Variants in PLCE1 observed in about 807,000 individuals in gnomAD.
PLCE1 encodes the protein phospholipase C epsilon 1, also known as 1-phosphatidylinositol 4,5-bisphosphate phosphodiesterase epsilon-1.
Under a neutral mutation model 242.8 loss-of-function variants are expected in PLCE1, and 119 were observed. That is an observed-to-expected ratio of 0.49 (90% CI 0.42 to 0.57). The LOEUF (loss-of-function observed/expected upper bound fraction) is 0.57, where lower values mean the gene tolerates loss of function less well. Ranked by LOEUF, PLCE1 falls within the 20% of genes least tolerant of loss-of-function variation. The pLI is 0.00. For synonymous variants in PLCE1, 945 were observed against 1,017.4 expected (o/e 0.93, Z 1.35); for missense variants, 2,441 against 2,788.8 (o/e 0.88, Z 2.81).
intron 3 of PLCE1, among the ~76,000 whole-genome samples, chr10:94,162,241 C>T (rs1295677828): frequency 6.6e-6 from 1 of 152,182 alleles, no homozygotes; most frequent in Non-Finnish European, 1.5e-5. Flanking sequence ...GTACCAGCTC[C>T]TCCTTGTACC....
At chr10:94,266,764 G>T (rs575102603) in intron 16 of PLCE1, among the ~76,000 whole-genome samples, 3 of 152,314 alleles carry the variant, frequency 2.0e-5, no homozygotes, top group South Asian at 2.1e-4. Context: ...CACCAGTGAG[G>T]TTTCTTTGTT....
intron 3 of PLCE1, among the ~76,000 whole-genome samples, chr10:94,135,034 C>T (rs1403845828): frequency 6.6e-6 from 1 of 152,148 alleles, no homozygotes; most frequent in East Asian, 1.9e-4. Flanking sequence ...TCAGCATCCT[C>T]TCCCATTTGG....
chr10:94,284,809 T>C lies in PLCE1; in HGVS notation c.4918-39T>C, dbSNP rs1388617261. The C allele has an allele frequency of 4.6e-6, 5 of 1,082,974 alleles. No homozygotes were observed. The East Asian group carries it at 1.2e-4, about 26-fold the overall frequency. 67.1% of individuals were successfully genotyped at this position (1,082,974 alleles called of 1,614,324 possible). On this transcript the variant is annotated intron_variant, in intron 21 of 32. Transcript: ENST00000371380. Reference sequence around the variant, plus strand: ...TGGGAATCCAGAGGTGAGTAGCATATACCTTCCATGTAAAATGGTATCATT... The same window carrying C: ...TGGGAATCCAGAGGTGAGTAGCATACACCTTCCATGTAAAATGGTATCATT...
At chr10:94,300,177 G>A (rs546834208) in intron 24 of PLCE1, among the ~76,000 whole-genome samples, 77 of 152,290 alleles carry the variant, frequency 5.1e-4, no homozygotes, top group Non-Finnish European at 8.7e-4. Flanking sequence ...GGTTTTGGAT[G>A]TGCCCTTTCT....
intron 2 of PLCE1, chr10:94,088,964 C>T (rs954498229): frequency 2.2e-5 from 21 of 935,332 alleles, no homozygotes; most frequent in South Asian, 9.0e-5. Flanking sequence ...GACTCTGGAT[C>T]GCAGCCCTCC....
At chr10:94,223,151 G>A (rs113621977) in intron 4 of PLCE1, among the ~76,000 whole-genome samples, 164 of 146,054 alleles carry the variant, frequency 1.1e-3, no homozygotes, top group South Asian at 2.6e-3. Flanking sequence ...TAATGCCAAT[G>A]CTATGGAAGC....
At chr10:94,100,028 T>G (rs1564687444) in intron 2 of PLCE1, 1 of 152,210 alleles carries the variant, frequency 6.6e-6, no homozygotes, top group Non-Finnish European at 1.5e-5. Context: ...ATGAAGAGCC[T>G]GGTGCTCTGG....
chr10:94,041,625 C>T lies in PLCE1; in HGVS notation c.1206+9373C>T, dbSNP rs186488447. 2.0e-5 allele frequency among the ~76,000 whole-genome samples: 3 copies of T among 152,284 alleles called. No homozygotes were observed. The East Asian group carries it at 5.8e-4, about 29-fold the overall frequency. On this transcript the variant is annotated intron_variant, in intron 2 of 32. Coordinates refer to ENST00000371380, the MANE Select transcript of PLCE1 (RefSeq NM_016341.4). The stretch of plus-strand genomic sequence containing the variant: ...AAACACGCCTCCCGATCTCAAGACC[C>T]CAGAGCTCTGTCTCTGCTCTTCAGA...
chr10:94,055,006 C>A (rs1589928088), intron 2 of PLCE1, among the ~76,000 whole-genome samples: 2 of 110,794 alleles, frequency 1.8e-5, no homozygotes, highest in Non-Finnish European at 1.7e-5. Flanking sequence ...AGCGAGACTC[C>A]ATCTCAAAAA....
At chr10:94,275,992 C>G (rs1385776668) in intron 19 of PLCE1, among the ~76,000 whole-genome samples, 1 of 152,156 alleles carries the variant, frequency 6.6e-6, no homozygotes, top group Non-Finnish European at 1.5e-5. Context: ...GGGAGCCTCA[C>G]ATTTATCTCT....
At chr10:94,134,941 G>A (rs1216352386) in intron 3 of PLCE1, among the ~76,000 whole-genome samples, 2 of 152,198 alleles carry the variant, frequency 1.3e-5, no homozygotes, top group Non-Finnish European at 2.9e-5. Flanking sequence ...AACTCCTGCT[G>A]AATAATACAA....
intron 3 of PLCE1, among the ~76,000 whole-genome samples, chr10:94,133,114 T>C (rs1357810508): frequency 3.3e-5 from 5 of 152,050 alleles, no homozygotes; most frequent in Admixed American, 6.6e-5. Flanking sequence ...GAAACAAATA[T>C]AGTCAAGCAG....
intron 4 of PLCE1, among the ~76,000 whole-genome samples, chr10:94,193,593 A>C (rs1476439695): frequency 6.6e-6 from 1 of 152,194 alleles, no homozygotes; most frequent in East Asian, 1.9e-4. Flanking sequence ...ATGTGCAGAA[A>C]ATTTTTGCAC....
chr10:94,040,923 C>T (rs2061753449), intron 2 of PLCE1, among the ~76,000 whole-genome samples: 1 of 152,192 alleles, frequency 6.6e-6, no homozygotes, highest in Non-Finnish European at 1.5e-5. Context: ...CAGCCATACT[C>T]ATTCTTTTAT....
In PLCE1 at chr10:94,329,255, T is replaced by C. The variant is rs373089959; in HGVS notation, c.*1312T>C. On this transcript the variant is annotated 3_prime_UTR_variant, in exon 33 of 33. Transcript: ENST00000371380. ...CAAAACCATTAAGTGTAAAGGATTC[T>C]TCATATTCTTAGTATGAAGCAAATT... The C allele has an allele frequency of 7.9e-5, 12 of 152,372 alleles. 1 individual carries two copies. In the South Asian group the frequency reaches 2.5e-3, roughly 32 times the overall value. The allele number at this position is 152,372 out of a possible 1,614,324, so 9.4% of individuals were successfully genotyped here.
intron 2 of PLCE1, among the ~76,000 whole-genome samples, chr10:94,040,410 C>A (rs1052007970): frequency 6.6e-6 from 1 of 152,068 alleles, no homozygotes; most frequent in African/African-American, 2.4e-5. Flanking sequence ...AGAGCAGTGG[C>A]TGGGAATGAG....
intron 3 of PLCE1, among the ~76,000 whole-genome samples, chr10:94,167,663 TC>T (rs1452576650): frequency 4.3e-5 from 5 of 115,888 alleles, no homozygotes; most frequent in Admixed American, 9.1e-5. Context: ...ATGCTATCCC[TC>T]CCCCCTCCCC....
chr10:94,085,848 G>A (rs2044803750), intron 2 of PLCE1, among the ~76,000 whole-genome samples: 1 of 152,194 alleles, frequency 6.6e-6, no homozygotes. Flanking sequence ...GGTAAGTATA[G>A]TCTTCATTTG....
At chr10:94,136,833 T>C (rs2046792461) in intron 3 of PLCE1, among the ~76,000 whole-genome samples, 1 of 152,254 alleles carries the variant, frequency 6.6e-6, no homozygotes, top group Admixed American at 6.5e-5. Context: ...AAGTGTGTGC[T>C]GTCTCAAAGT....
Sources: gnomAD v4.1 joint callset for allele counts (sites outside exome capture counted in the v4.1 genomes callset) on GRCh38, gnomAD v4.1.1 for gene constraint, MANE v1.5 for transcripts, NCBI Gene and HGNC (gene_info 2026-07-23, HGNC 2026-07-21) for gene names.